QRFPR: variants seen among roughly 807,000 people sequenced by gnomAD.
QRFPR encodes the protein pyroglutamylated RF-amide peptide receptor.
Under a neutral mutation model 31.3 loss-of-function variants are expected in QRFPR, and 37 were observed. The observed-to-expected ratio is 1.18, with a 90% CI of 0.91 to 1.56. QRFPR has a LOEUF of 1.56. Among genes scored for constraint, QRFPR ranks in the 40% most tolerant of loss-of-function variants. QRFPR has a pLI of 0.00. For synonymous variants in QRFPR, 197 were observed against 192.0 expected (o/e 1.03, Z -0.22); for missense variants, 542 against 532.5 (o/e 1.02, Z -0.18).
chr4:121,351,133 T>C (rs1725753293), intron 1 of QRFPR, among the ~76,000 whole-genome samples: 1 of 152,204 alleles, frequency 6.6e-6, no homozygotes, highest in Admixed American at 6.5e-5. Context: ...CTGACAATCC[T>C]TGGTTGTCCT....
chr4:121,342,936 C>A (rs1306860346), intron 1 of QRFPR, among the ~76,000 whole-genome samples: 1 of 152,182 alleles, frequency 6.6e-6, no homozygotes, highest in Admixed American at 6.5e-5. Flanking sequence ...CAAACAGTGG[C>A]TCCACATGTA....
Position 121,340,526 on chromosome 4 carries a change from T to C in QRFPR, c.425A>G (p.Glu142Gly). The change falls in exon 2 of 6, where the codon GAA becomes GGA. Residue 142 changes from glutamate (E) to glycine (G), a missense_variant. Physicochemically the swap from Glu to Gly is moderately conservative, Grantham distance 98. Transcript: ENST00000394427. ...AGGATGCACAAGTCCCTGGTGCCTT[T>C]CCACAGCAATGCAGGTCATAGTGAG... ...EILTMTCIAV[E>G]RHQGLVHPFK... is the part of the protein sequence containing the mutation. 1 of 1,614,112 alleles carries C rather than the reference T, an allele frequency of 6.2e-7. No homozygotes were observed. The highest frequency in any genetic ancestry group is 8.5e-7 in the Non-Finnish European group (1 of 1,179,986).
Position 121,380,474 on chromosome 4 carries a change from C to T in QRFPR, c.174G>A (p.Leu58=), listed in dbSNP as rs1489292737. The change falls in exon 1 of 6, where the codon CTG becomes CTA. Residue 58 remains leucine, a synonymous_variant. Coordinates refer to ENST00000394427, the MANE Select transcript of QRFPR (RefSeq NM_198179.3). ...LVLTGVLIFA[L]ALFGNALVFY... ...ACACCAGAGCATTGCCAAAGAGCGC[C>T]AGGGCGAAGATGAGCACGCCGGTGA... 1 of 1,614,266 alleles carries T rather than the reference C, an allele frequency of 6.2e-7. No individual in the cohort carries two copies. The highest frequency in any genetic ancestry group is 8.5e-7 in the Non-Finnish European group (1 of 1,180,050).
At chr4:121,350,769 A>G (rs1370981335) in intron 1 of QRFPR, among the ~76,000 whole-genome samples, 2 of 152,226 alleles carry the variant, frequency 1.3e-5, no homozygotes, top group Admixed American at 6.5e-5. Context: ...TTATATAAAT[A>G]TCAGCTAAAA....
chr4:121,343,105 A>G (rs1371693781), intron 1 of QRFPR, among the ~76,000 whole-genome samples: 2 of 152,212 alleles, frequency 1.3e-5, no homozygotes, highest in East Asian at 3.8e-4. Context: ...AATGTTCAGG[A>G]TATGGCTTGG....
intron 1 of QRFPR, among the ~76,000 whole-genome samples, chr4:121,357,396 T>A (rs1404321115): frequency 6.6e-6 from 1 of 152,114 alleles, no homozygotes; most frequent in African/African-American, 2.4e-5. Context: ...AGTCGAATAT[T>A]TCTGCAACAG....
At chr4:121,336,989 C>T (rs1725448336) in intron 2 of QRFPR, 121 bp from the exon 3 acceptor site, 1 of 851,214 alleles carries the variant, frequency 1.2e-6, no homozygotes, top group Admixed American at 1.8e-5. Context: ...AGGGCAGTGC[C>T]ATGGTCTCCC....
At chr4:121,359,043 G>A (rs771056039) in intron 1 of QRFPR, among the ~76,000 whole-genome samples, 7 of 152,140 alleles carry the variant, frequency 4.6e-5, no homozygotes, top group Non-Finnish European at 1.0e-4. Flanking sequence ...GTCTGTGTTT[G>A]TAACCACTAT....
At chr4:121,367,842 AC>A (rs1264527635) in intron 1 of QRFPR, among the ~76,000 whole-genome samples, 1 of 148,416 alleles carries the variant, frequency 6.7e-6, no homozygotes, top group Admixed American at 6.7e-5. Flanking sequence ...AATTAATACC[AC>A]AGTCAAACAT....
At position 121,354,715 on chromosome 4, in the gene QRFPR, A is replaced by G. The variant is rs1369031680; in HGVS notation, c.341-14105T>C. ...TCATACATGGTTTCTATCATGTTGAATATGTTCCTTCTATACCCAATTGTT... is the reference window on the plus strand; with the variant it reads ...TCATACATGGTTTCTATCATGTTGAGTATGTTCCTTCTATACCCAATTGTT... On this transcript the variant is annotated intron_variant, in intron 1 of 5. Coordinates refer to ENST00000394427, the MANE Select transcript of QRFPR (RefSeq NM_198179.3). Among the ~76,000 whole-genome samples the G allele has an allele frequency of 7.2e-5, 11 of 152,014 alleles. No individual in the cohort carries two copies. The East Asian group carries it at 2.1e-3, about 29-fold the overall frequency.
intron 2 of QRFPR, chr4:121,340,108 C>CA (rs58311512): frequency 0.038 from 5,001 of 130,942 alleles, 408 homozygotes; most frequent in African/African-American, 0.11. Flanking sequence ...CACTCTGTCT[C>CA]AAAAAAAAAA....
At chr4:121,352,036 G>A (rs1294495834) in intron 1 of QRFPR, among the ~76,000 whole-genome samples, 2 of 151,952 alleles carry the variant, frequency 1.3e-5, no homozygotes, top group Non-Finnish European at 2.9e-5. Context: ...AATGTATGTG[G>A]GAAAAACTTA....
chr4:121,349,149 T>C (rs1189630475), intron 1 of QRFPR, among the ~76,000 whole-genome samples: 2 of 151,912 alleles, frequency 1.3e-5, no homozygotes, highest in South Asian at 4.2e-4. Flanking sequence ...ATTATCTTGG[T>C]TACTGTTTGG....
At chr4:121,340,751 A>T in intron 1 of QRFPR, 141 bp from the exon 2 acceptor site, 1 of 709,114 alleles carries the variant, frequency 1.4e-6, no homozygotes, top group Non-Finnish European at 2.3e-6. Context: ...GTAGACACAA[A>T]ATAATTGAAA....
At chr4:121,369,539 A>C (rs1457701988) in intron 1 of QRFPR, 5 of 1,597,614 alleles carry the variant, frequency 3.1e-6, no homozygotes, top group Non-Finnish European at 4.3e-6. Context: ...GGGTGGCTTC[A>C]AGGCTGCTGG....
chr4:121,336,587 T>A (rs1045248899), intron 3 of QRFPR, among the ~76,000 whole-genome samples: 1 of 152,198 alleles, frequency 6.6e-6, no homozygotes, highest in Non-Finnish European at 1.5e-5. Flanking sequence ...AAAAATTGTA[T>A]TTTAAGCATT....
chr4:121,352,811 A>G (rs1725789471), intron 1 of QRFPR, among the ~76,000 whole-genome samples: 1 of 152,018 alleles, frequency 6.6e-6, no homozygotes, highest in African/African-American at 2.4e-5. Flanking sequence ...ACCAAATACT[A>G]CATTTTATTC....
intron 2 of QRFPR, among the ~76,000 whole-genome samples, chr4:121,338,959 T>C (rs552160597): frequency 4.7e-4 from 71 of 152,340 alleles, no homozygotes; most frequent in African/African-American, 1.6e-3. Flanking sequence ...GGAGTTCTGA[T>C]GTTGGAAAGA....
Position 121,365,614 on chromosome 4 carries a change from A to ATATAT in QRFPR, c.340+14689_340+14693dup, listed in dbSNP as rs1726111534. On this transcript the variant is annotated intron_variant, in intron 1 of 5. Coordinates refer to ENST00000394427, the MANE Select transcript of QRFPR (RefSeq NM_198179.3). ...ATTATATATATATAATATATATATT[A>ATATAT]TATATATTATATATTATATATATAT... Among the ~76,000 whole-genome samples, 26 of 5,638 alleles carry ATATAT rather than the reference A, an allele frequency of 4.6e-3. 10 individuals carry two copies. The highest frequency in any genetic ancestry group is 7.8e-3 in the Admixed American group (2 of 258). 3.7% of individuals were successfully genotyped at this position (5,638 alleles called of 152,430 possible).
Sources: gnomAD v4.1 joint callset for allele counts (sites outside exome capture counted in the v4.1 genomes callset) on GRCh38, gnomAD v4.1.1 for gene constraint, MANE v1.5 for transcripts, NCBI Gene and HGNC (gene_info 2026-07-23, HGNC 2026-07-21) for gene names.